The following NPHP3 variants were observed in gnomAD, a reference collection of about 807,000 sequenced individuals.
NPHP3 encodes the protein nephrocystin 3, also known as nephrocystin-3.
NPHP3 carries 123 observed loss-of-function variants against 171.9 expected under a neutral mutation model. The observed-to-expected ratio is 0.72, with a 90% CI of 0.62 to 0.83. The LOEUF is 0.83. Among genes scored for constraint, NPHP3 ranks in the 40% least tolerant of loss-of-function variants. The pLI, the probability that NPHP3 is intolerant of heterozygous loss-of-function variation, is 0.00. For synonymous variants in NPHP3, 558 were observed against 579.2 expected (o/e 0.96, Z 0.52); for missense variants, 1,506 against 1,591.9 (o/e 0.95, Z 0.92).
At chr3:132,695,772 A>T (rs1939437202) in intron 15 of NPHP3, among the ~76,000 whole-genome samples, 1 of 152,142 alleles carries the variant, frequency 6.6e-6, no homozygotes, top group African/African-American at 2.4e-5. Context: ...CGCTTATACT[A>T]AAAATACAAA....
chr3:132,691,182 T>G lies in NPHP3; in HGVS notation c.2570+10A>C. ...AAGTTACAGAAGAACAACAGGAACA[T>G]TTACAATACCTTAGCTGCAAGGTGA... On this transcript the variant is annotated intron_variant, in intron 18 of 26. Transcript: ENST00000337331. The G allele has an allele frequency of 6.3e-7, 1 of 1,599,042 alleles. No individual in the cohort carries two copies. Among genetic ancestry groups the G allele is most frequent in the African/African-American group, 1.3e-5 (1 of 74,694 alleles).
intron 1 of NPHP3, 164 bp downstream of exon 1, chr3:132,721,799 A>T (rs559931475): frequency 1.2e-5 from 11 of 934,858 alleles, no homozygotes; most frequent in African/African-American, 1.6e-5. Flanking sequence ...AGAGACAGAA[A>T]AAGGGGAGGG....
At chr3:132,719,229 C>T in intron 2 of NPHP3, 85 bp from the exon 3 acceptor site, 2 of 1,055,656 alleles carry the variant, frequency 1.9e-6, no homozygotes, top group Admixed American at 2.2e-5. Flanking sequence ...ATATTTCATT[C>T]ATAAAACCAA....
At chr3:132,698,614 G>C (rs1051355049) in intron 13 of NPHP3, among the ~76,000 whole-genome samples, 9 of 152,014 alleles carry the variant, frequency 5.9e-5, no homozygotes, top group Admixed American at 1.3e-4. Context: ...AAGTGAGCTT[G>C]CATTTCAAAA....
chr3:132,703,269 A>G (rs1939663746), intron 9 of NPHP3, among the ~76,000 whole-genome samples: 1 of 152,254 alleles, frequency 6.6e-6, no homozygotes, highest in Non-Finnish European at 1.5e-5. Context: ...ATTAACGGAC[A>G]GTCTAAATTC....
At chr3:132,701,866 C>A (rs1939617057) in intron 9 of NPHP3, among the ~76,000 whole-genome samples, 1 of 152,064 alleles carries the variant, frequency 6.6e-6, no homozygotes, top group African/African-American at 2.4e-5. Flanking sequence ...ACTAAAAATA[C>A]AAAAACAAAA....
chr3:132,716,608 C>T (rs1372391418), intron 4 of NPHP3, 149 bp downstream of exon 4: 6 of 855,388 alleles, frequency 7.0e-6, no homozygotes, highest in East Asian at 2.6e-5. Flanking sequence ...TTGTTAGTTA[C>T]AGCCCCACTG....
chr3:132,710,974 C>T (rs1014403526), intron 6 of NPHP3, among the ~76,000 whole-genome samples: 7 of 152,218 alleles, frequency 4.6e-5, no homozygotes, highest in African/African-American at 1.7e-4. Context: ...ACATTTTGAG[C>T]TTCATAATTT....
chr3:132,682,861 G>A (rs371848701), intron 25 of NPHP3, 43 bp from the exon 26 acceptor site: 1 of 1,221,686 alleles, frequency 8.2e-7, no homozygotes, highest in Non-Finnish European at 1.2e-6. Flanking sequence ...CTGGGTTTCT[G>A]AAATTAATGT....
At chr3:132,707,497 C>G (rs1196279742) in intron 7 of NPHP3, among the ~76,000 whole-genome samples, 1 of 152,088 alleles carries the variant, frequency 6.6e-6, no homozygotes, top group African/African-American at 2.4e-5. Context: ...CCTCCTGACA[C>G]TAATCCTTGG....
chr3:132,708,287 A>ATACT, intron 6 of NPHP3, 30 bp from the exon 7 acceptor site: 1 of 1,608,060 alleles, frequency 6.2e-7, no homozygotes, highest in Non-Finnish European at 8.5e-7. Context: ...TTTGTGTGCT[A>ATACT]TACTGCATTG....
intron 9 of NPHP3, among the ~76,000 whole-genome samples, chr3:132,703,245 G>A (rs1939662593): frequency 6.6e-6 from 1 of 152,186 alleles, no homozygotes; most frequent in Admixed American, 6.5e-5. Flanking sequence ...GTTAGTAAAT[G>A]ATGGAACCAG....
chr3:132,704,249 C>T lies in NPHP3; in HGVS notation c.1473G>A (p.Met491Ile). The T allele has an allele frequency of 1.2e-6, 2 of 1,614,162 alleles. No homozygotes were observed. The highest frequency in any genetic ancestry group is 1.7e-6 in the Non-Finnish European group (2 of 1,180,026). The change falls in exon 9 of 27, where the codon ATG (methionine) becomes ATA (isoleucine). Residue 491 changes from methionine to isoleucine, a missense_variant. By Grantham distance (10) the Met-to-Ile change is conservative. This residue lies in a region of NPHP3 where 930 missense variants were observed against 924.9 expected (regional missense o/e 1.01). Transcript: ENST00000337331. The stretch of plus-strand genomic sequence containing the variant: ...AATTAGAAGCCTGCTGAAAAGTTTC[C>T]ATTTGCTCTTGTTCATCATGTATGT... ...LWDIHDEQEQMETFQQASNSA... is the reference protein window; with the variant it reads ...LWDIHDEQEQIETFQQASNSA...
intron 26 of NPHP3, 99 bp from the exon 27 acceptor site, chr3:132,682,189 G>C (rs1939048467): frequency 9.0e-7 from 1 of 1,110,114 alleles, no homozygotes; most frequent in Admixed American, 1.9e-5. Context: ...GTAAATATTT[G>C]CCCATTTCCC....
intron 19 of NPHP3, 120 bp from the exon 20 acceptor site, chr3:132,689,383 T>A: frequency 9.6e-7 from 1 of 1,042,228 alleles, no homozygotes; most frequent in East Asian, 2.5e-5. Flanking sequence ...TACTGTGTAA[T>A]GAGGTAAGAC....
Position 132,689,149 on chromosome 3 carries a change from C to T in NPHP3, c.2808G>A (p.Glu936=), listed in dbSNP as rs144271460. The T allele has an allele frequency of 2.5e-6, 4 of 1,614,020 alleles. No homozygotes were observed. In the African/African-American group the frequency reaches 5.3e-5, roughly 22 times the overall value. The change falls in exon 20 of 27, where the codon GAG becomes GAA. Residue 936 remains glutamate, a synonymous_variant. Transcript: ENST00000337331. ...LKQYEKNCEG[E]DNMSCLADLY... ...GATCAGCTAAGCAACTCATGTTGTC[C>T]TCGCCTTCGCAGTTTTTCTCATACT...
intron 9 of NPHP3, among the ~76,000 whole-genome samples, chr3:132,703,890 CTATCCT>C (rs1164020232): frequency 1.3e-5 from 2 of 152,170 alleles, no homozygotes; most frequent in African/African-American, 4.8e-5. Context: ...CTCAGCCTTA[CTATCCT>C]TATCAAGTTT....
At position 132,699,446 on chromosome 3, in the gene NPHP3, A is replaced by G; in HGVS notation, c.1892T>C (p.Val631Ala). 1 of 1,605,638 alleles carries G rather than the reference A, an allele frequency of 6.2e-7. No individual in the cohort carries two copies. Among genetic ancestry groups the G allele is most frequent in the Non-Finnish European group, 8.5e-7 (1 of 1,176,314 alleles). Residue 631 changes from valine to alanine, a missense_variant, in exon 13 of 27, where the codon GTT becomes GCT. Val to Ala is a moderately conservative substitution (Grantham distance 64). Transcript: ENST00000337331. ...VIDSIDQVQQ[V>A]EKHMKWLIDP... is the part of the protein sequence containing the mutation. ...TATCAGCCATTTCATGTGTTTTTCA[A>G]CTTGCTTAAAAATATAAAAACAAAA...
chr3:132,696,026 G>C (rs896516434), intron 15 of NPHP3, among the ~76,000 whole-genome samples: 1 of 152,088 alleles, frequency 6.6e-6, no homozygotes, highest in African/African-American at 2.4e-5. Context: ...TGAGAACATG[G>C]AATAAAGAGA....
Sources: allele counts gnomAD v4.1 joint callset (sites outside exome capture counted in the v4.1 genomes callset), GRCh38; gene constraint gnomAD v4.1.1; regional missense constraint gnomAD v4.1.1; transcripts MANE v1.5; gene names NCBI Gene and HGNC (gene_info 2026-07-23, HGNC 2026-07-21).